OPCML: variants seen among roughly 807,000 people sequenced by gnomAD.
OPCML encodes the protein opioid binding protein/cell adhesion molecule like, also known as opioid-binding protein/cell adhesion molecule.
Under a neutral mutation model 37.8 loss-of-function variants are expected in OPCML, and 13 were observed. That is an observed-to-expected ratio of 0.34 (90% CI 0.22 to 0.55). OPCML has a LOEUF of 0.55. Among genes scored for constraint, OPCML ranks in the 20% least tolerant of loss-of-function variants. OPCML has a pLI of 0.91. For synonymous variants in OPCML, 176 were observed against 168.8 expected, an observed-to-expected ratio of 1.04 and a Z score of -0.33; for missense variants, 341 against 435.6, an observed-to-expected ratio of 0.78 and a Z score of 1.93.
intron 2 of OPCML, among the ~76,000 whole-genome samples, chr11:132,829,129 T>A (rs1028972676): frequency 2.0e-5 from 3 of 152,160 alleles, no homozygotes; most frequent in African/African-American, 7.2e-5. Context: ...TATTCTAGTA[T>A]TAGAAGAATC....
chr11:133,480,284 T>C (rs1483932521), intron 1 of OPCML, among the ~76,000 whole-genome samples: 1 of 152,202 alleles, frequency 6.6e-6, no homozygotes, highest in African/African-American at 2.4e-5. Context: ...ATTATCACTG[T>C]ATTTATTTGA....
intron 3 of OPCML, among the ~76,000 whole-genome samples, chr11:132,563,622 A>T (rs890555757): frequency 2.0e-5 from 3 of 151,930 alleles, no homozygotes; most frequent in African/African-American, 4.8e-5. Flanking sequence ...ATTTTGCCTC[A>T]ACTATTTTTT....
chr11:132,522,611 C>G (rs1228305153), intron 4 of OPCML, among the ~76,000 whole-genome samples: 1 of 152,224 alleles, frequency 6.6e-6, no homozygotes, highest in Non-Finnish European at 1.5e-5. Context: ...TTCATTCTCT[C>G]TTTTGATTCC....
chr11:133,502,966 G>T (rs1947948917), intron 1 of OPCML, among the ~76,000 whole-genome samples: 1 of 152,168 alleles, frequency 6.6e-6, no homozygotes, highest in African/African-American at 2.4e-5. Flanking sequence ...TCCCAGCTAA[G>T]TTGTTCAGTA....
intron 3 of OPCML, among the ~76,000 whole-genome samples, chr11:132,594,731 C>T (rs2096489833): frequency 6.6e-6 from 1 of 152,026 alleles, no homozygotes; most frequent in African/African-American, 2.4e-5. Context: ...TCACCATGTC[C>T]AAAATAGGTA....
At position 133,303,339 on chromosome 11, in the gene OPCML, C is replaced by T. The variant is rs553460745; in HGVS notation, c.61+228925G>A. 5.3e-5 allele frequency among the ~76,000 whole-genome samples: 8 copies of T among 152,214 alleles called. No individual in the cohort carries two copies. The East Asian group carries it at 7.7e-4, about 15-fold the overall frequency. Reference sequence around the variant, plus strand: ...ATTTCCTTACCAGGAGGCAATCATACGCATTGCATGAGAAGAGAAACTCTA... The same window carrying T: ...ATTTCCTTACCAGGAGGCAATCATATGCATTGCATGAGAAGAGAAACTCTA... On this transcript the variant is annotated intron_variant, in intron 1 of 7. Coordinates refer to ENST00000524381, the MANE Select transcript of OPCML (RefSeq NM_001012393.5).
chr11:133,118,138 G>A (rs1228110018), intron 1 of OPCML: 1 of 794,172 alleles, frequency 1.3e-6, no homozygotes, highest in Non-Finnish European at 1.5e-6. Flanking sequence ...CTTCTGGACT[G>A]CAGGAACTAC....
intron 4 of OPCML, among the ~76,000 whole-genome samples, chr11:132,454,544 T>A (rs1398315363): frequency 6.6e-6 from 1 of 152,196 alleles, no homozygotes; most frequent in Non-Finnish European, 1.5e-5. Flanking sequence ...CACTGCTCAC[T>A]GCGACAGCCT....
chr11:133,349,453 G>A (rs1238247902), intron 1 of OPCML, among the ~76,000 whole-genome samples: 1 of 152,266 alleles, frequency 6.6e-6, no homozygotes, highest in East Asian at 1.9e-4. Flanking sequence ...ACTGTAAATG[G>A]TATTGAGAAG....
chr11:133,474,856 C>T (rs1947202845), intron 1 of OPCML, among the ~76,000 whole-genome samples: 1 of 152,188 alleles, frequency 6.6e-6, no homozygotes, highest in South Asian at 2.1e-4. Context: ...CCTTTGAGTG[C>T]ACACAGCAAG....
At chr11:133,478,659 T>C (rs1370723827) in intron 1 of OPCML, among the ~76,000 whole-genome samples, 1 of 152,230 alleles carries the variant, frequency 6.6e-6, no homozygotes, top group Non-Finnish European at 1.5e-5. Context: ...TCTACTTCCT[T>C]TGAAAGGCCA....
chr11:133,301,886 T>C (rs1434966180), intron 1 of OPCML: 1 of 152,190 alleles, frequency 6.6e-6, no homozygotes, highest in Non-Finnish European at 1.5e-5. Context: ...AGAAACTATA[T>C]GGACTCAAAT....
At chr11:133,468,621 A>G (rs890302017) in intron 1 of OPCML, among the ~76,000 whole-genome samples, 22 of 152,244 alleles carry the variant, frequency 1.4e-4, no homozygotes, top group African/African-American at 4.8e-4. Flanking sequence ...AAATGGGATT[A>G]GAATACAAAT....
intron 1 of OPCML, among the ~76,000 whole-genome samples, chr11:133,104,245 T>C (rs1468833926): frequency 3.3e-5 from 5 of 152,206 alleles, no homozygotes; most frequent in Non-Finnish European, 7.3e-5. Flanking sequence ...AGCTTTTCCA[T>C]GGCAGGCAGG....
chr11:133,408,072 C>T (rs555383667), intron 1 of OPCML, among the ~76,000 whole-genome samples: 1 of 152,082 alleles, frequency 6.6e-6, no homozygotes, highest in Non-Finnish European at 1.5e-5. Flanking sequence ...TTAAGTGAAA[C>T]GATGTATAAC....
intron 1 of OPCML, among the ~76,000 whole-genome samples, chr11:132,993,415 T>C (rs1451702342): frequency 2.6e-5 from 4 of 152,122 alleles, no homozygotes; most frequent in African/African-American, 2.4e-5. Flanking sequence ...TGATGTTACA[T>C]TGTCTGTTTC....
chr11:132,902,517 A>G (rs1350938681), intron 2 of OPCML, among the ~76,000 whole-genome samples: 1 of 152,150 alleles, frequency 6.6e-6, no homozygotes. Context: ...TATGCTGACG[A>G]TCTCATCAGG....
chr11:132,660,611 G>C (rs1237579873), intron 2 of OPCML, among the ~76,000 whole-genome samples: 1 of 152,102 alleles, frequency 6.6e-6, no homozygotes, highest in Non-Finnish European at 1.5e-5. Context: ...TACAAATACT[G>C]TTTATTTTAA....
intron 1 of OPCML, among the ~76,000 whole-genome samples, chr11:133,236,996 C>T (rs1413468666): frequency 6.6e-6 from 1 of 152,112 alleles, no homozygotes; most frequent in African/African-American, 2.4e-5. Context: ...GTAAAAATGG[C>T]CTTACTAAAT....
Sources: allele counts gnomAD v4.1 joint callset (sites outside exome capture counted in the v4.1 genomes callset), GRCh38; gene constraint gnomAD v4.1.1; transcripts MANE v1.5; gene names NCBI Gene and HGNC (gene_info 2026-07-23, HGNC 2026-07-21).